Variants in RORB observed in about 807,000 individuals in gnomAD.
RORB encodes the protein RAR related orphan receptor B.
In RORB, 6 loss-of-function variants were observed where a neutral mutation model predicts 59.1. The observed-to-expected ratio is 0.10, with a 90% confidence interval of 0.06 to 0.20. RORB has a LOEUF of 0.20. Ranked by LOEUF, RORB falls within the 10% of genes least tolerant of loss-of-function variation. The pLI, the probability that RORB is intolerant of heterozygous loss-of-function variation, is 1.00. For synonymous variants in RORB, 215 were observed against 204.5 expected (o/e 1.05, Z -0.44); for missense variants, 320 against 560.5 (o/e 0.57, Z 4.33).
chr9:74,612,361 G>A (rs757486463), intron 1 of RORB, among the ~76,000 whole-genome samples: 5 of 152,102 alleles, frequency 3.3e-5, no homozygotes, highest in South Asian at 2.1e-4. Flanking sequence ...GAGCTGGCCC[G>A]GGTTGTAGAA....
intron 1 of RORB, among the ~76,000 whole-genome samples, chr9:74,591,241 TA>T (rs1019135897): frequency 1.3e-5 from 2 of 152,254 alleles, no homozygotes; most frequent in African/African-American, 4.8e-5. Flanking sequence ...ACTGAACTTC[TA>T]AAATTCAACT....
rs533968366 is a variant in RORB at position 74,498,859 on chromosome 9, G to C, written c.7+876G>C. ...GCGGCGGGACCCCGGGGCGAGCTGGGGTCTGCAGGGATGCGCGCCAGGGAC... is the reference window on the plus strand; with the variant it reads ...GCGGCGGGACCCCGGGGCGAGCTGGCGTCTGCAGGGATGCGCGCCAGGGAC... On this transcript the variant is annotated intron_variant, in intron 1 of 9. Transcript: ENST00000376896. The C allele has an allele frequency of 2.5e-4, 40 of 160,762 alleles. 2 individuals carry two copies. The South Asian group carries it at 6.5e-3, about 26-fold the overall frequency. 10.0% of individuals were successfully genotyped at this position (160,762 alleles called of 1,614,324 possible). A position where few individuals can be genotyped will look rare whatever the true frequency, so the allele number is the denominator to read the frequency against.
intron 1 of RORB, among the ~76,000 whole-genome samples, chr9:74,546,533 A>G (rs1826498493): frequency 2.0e-5 from 3 of 152,192 alleles, no homozygotes; most frequent in African/African-American, 4.8e-5. Flanking sequence ...AACTGATGAG[A>G]GTTTCAGGAA....
intron 4 of RORB, among the ~76,000 whole-genome samples, chr9:74,650,943 T>C (rs1360837841): frequency 3.3e-5 from 5 of 152,114 alleles, no homozygotes; most frequent in Admixed American, 3.3e-4. Flanking sequence ...ATTGCATCTG[T>C]TTAAATTAAC....
At chr9:74,658,939 T>C (rs549280633) in intron 4 of RORB, among the ~76,000 whole-genome samples, 16 of 152,338 alleles carry the variant, frequency 1.1e-4, no homozygotes, top group South Asian at 2.1e-4. Context: ...TCATCAGAAG[T>C]TAGCATTTGG....
In RORB at chr9:74,688,686, C is replaced by T. The variant is rs1291025880; in HGVS notation, c.*3068C>T. 6.6e-6 allele frequency: 1 copy of T among 152,164 alleles called. No individual in the cohort carries two copies. The highest frequency in any genetic ancestry group is 1.5e-5 in the Non-Finnish European group (1 of 68,012). The allele number at this position is 152,164 out of a possible 1,614,324, so 9.4% of individuals were successfully genotyped here. A position where few individuals can be genotyped will look rare whatever the true frequency, so the allele number is the denominator to read the frequency against. ...TAAATATGTTGCTGAGAGCACCTCT[C>T]TGACAAGGCTTTCAGACCAACAAGC... On this transcript the variant is annotated 3_prime_UTR_variant, in exon 10 of 10. Transcript: ENST00000376896.
At chr9:74,633,753 C>T (rs1823656394) in intron 2 of RORB, among the ~76,000 whole-genome samples, 1 of 152,082 alleles carries the variant, frequency 6.6e-6, no homozygotes, top group Admixed American at 6.5e-5. Context: ...CATTTTTTAC[C>T]TGATGAACCC....
chr9:74,683,569 T>C (rs1358510343), intron 9 of RORB, among the ~76,000 whole-genome samples: 2 of 152,152 alleles, frequency 1.3e-5, no homozygotes, highest in Non-Finnish European at 2.9e-5. Context: ...CTGCCTTCAG[T>C]TCTTCCAGAG....
intron 1 of RORB, among the ~76,000 whole-genome samples, chr9:74,559,197 G>A (rs973052054): frequency 6.6e-6 from 1 of 152,168 alleles, no homozygotes. Context: ...CCAGATCTCT[G>A]TAAACAATAT....
At chr9:74,498,192 C>G in intron 1 of RORB, 1 of 610,518 alleles carries the variant, frequency 1.6e-6, no homozygotes, top group South Asian at 2.0e-5. Flanking sequence ...TCTGGAGGGA[C>G]GCGGGAGGGC....
chr9:74,559,378 G>T (rs1460943220), intron 1 of RORB, among the ~76,000 whole-genome samples: 2 of 152,102 alleles, frequency 1.3e-5, no homozygotes, highest in Non-Finnish European at 2.9e-5. Flanking sequence ...GTTTGACCTA[G>T]CTGCTCCTGC....
At chr9:74,633,606 T>A (rs533723752) in intron 2 of RORB, among the ~76,000 whole-genome samples, 1 of 152,214 alleles carries the variant, frequency 6.6e-6, no homozygotes, top group Non-Finnish European at 1.5e-5. Context: ...AATGGACGAA[T>A]GATAACTTAT....
At chr9:74,605,746 G>A (rs1823138739) in intron 1 of RORB, among the ~76,000 whole-genome samples, 4 of 152,286 alleles carry the variant, frequency 2.6e-5, no homozygotes, top group Admixed American at 2.0e-4. Context: ...TATATATTGT[G>A]CACGTGATTT....
At chr9:74,518,697 T>C (rs1826044895) in intron 1 of RORB, among the ~76,000 whole-genome samples, 1 of 151,978 alleles carries the variant, frequency 6.6e-6, no homozygotes, top group African/African-American at 2.4e-5. Flanking sequence ...GTTACAAGGA[T>C]TGGTTTTCGG....
intron 1 of RORB, among the ~76,000 whole-genome samples, chr9:74,570,443 GT>G (rs1337008000): frequency 2.6e-5 from 4 of 152,032 alleles, no homozygotes; most frequent in Non-Finnish European, 5.9e-5. Context: ...ATCACAATAT[GT>G]TTATTTTTTT....
chr9:74,499,546 G>A (rs890263132), intron 1 of RORB, among the ~76,000 whole-genome samples: 2 of 152,180 alleles, frequency 1.3e-5, no homozygotes, highest in African/African-American at 4.8e-5. Context: ...TGATTGGCCG[G>A]CTCGCTGGGA....
chr9:74,625,496 C>T (rs1399261973), intron 1 of RORB, among the ~76,000 whole-genome samples: 1 of 152,130 alleles, frequency 6.6e-6, no homozygotes, highest in African/African-American at 2.4e-5. Context: ...CACCCACAGT[C>T]CCAGATACTC....
intron 1 of RORB, among the ~76,000 whole-genome samples, chr9:74,538,922 C>T (rs536684440): frequency 6.6e-5 from 10 of 152,236 alleles, no homozygotes; most frequent in Admixed American, 2.6e-4. Flanking sequence ...TAATCAAACA[C>T]AGATAATAAT....
chr9:74,512,015 T>TA (rs1038800906), intron 1 of RORB, among the ~76,000 whole-genome samples: 1 of 151,960 alleles, frequency 6.6e-6, no homozygotes, highest in Non-Finnish European at 1.5e-5. Context: ...AAAATGAATT[T>TA]AAAAAAACTT....
Sources: allele counts gnomAD v4.1 joint callset (sites outside exome capture counted in the v4.1 genomes callset), GRCh38; gene constraint gnomAD v4.1.1; transcripts MANE v1.5; gene names NCBI Gene and HGNC (gene_info 2026-07-23, HGNC 2026-07-21).